MYO9A: variants seen among roughly 807,000 people sequenced by gnomAD.
MYO9A encodes unconventional myosin-IXa.
Under a neutral mutation model 293.3 loss-of-function variants are expected in MYO9A, and 103 were observed. The observed-to-expected ratio is 0.35, with a 90% CI of 0.30 to 0.41. MYO9A has a LOEUF of 0.41. MYO9A is among the 10% of genes least tolerant of loss of function. The pLI is 1.00. For missense variants in MYO9A, 2,685 were observed against 3,033.0 expected (o/e 0.89, Z 2.69); for synonymous variants, 1,001 against 1,035.7 (o/e 0.97, Z 0.64).
At chr15:71,932,072 C>T (rs1201263565) in intron 18 of MYO9A, among the ~76,000 whole-genome samples, 2 of 152,230 alleles carry the variant, frequency 1.3e-5, no homozygotes, top group East Asian at 1.9e-4. Flanking sequence ...TGCCAAGTTC[C>T]GTTAGTACCT....
chr15:72,010,377 A>G lies in MYO9A; in HGVS notation c.1226T>C (p.Val409Ala). 1 of 1,613,548 alleles carries G rather than the reference A, an allele frequency of 6.2e-7. No individual in the cohort carries two copies. The highest frequency in any genetic ancestry group is 2.2e-5 in the East Asian group (1 of 44,848). Residue 409 changes from valine (V) to alanine (A), a missense_variant, in exon 7 of 42, where the codon GTA becomes GCA. Transcript: ENST00000356056. ...TCTTCGTGTCTTGGGAAGAAATCCT[A>G]CCATTTCCATGGCAAGTTGTAGGCG... ...FERLQLAMEMVGFLPKTRRQI... is the reference protein window; with the variant it reads ...FERLQLAMEMAGFLPKTRRQI...
At position 71,995,352 on chromosome 15, in the gene MYO9A, C is replaced by T. The variant is rs139850054; in HGVS notation, c.1471-767G>A. 1.2e-4 allele frequency among the ~76,000 whole-genome samples: 18 copies of T among 152,246 alleles called. No homozygotes were observed. The East Asian group carries it at 2.9e-3, about 25-fold the overall frequency. On this transcript the variant is annotated intron_variant, in intron 9 of 41. Coordinates refer to ENST00000356056, the MANE Select transcript of MYO9A (RefSeq NM_006901.4). ...CCACAATTACATTGGTAGTTGTCTTCGGCTTGTCACCCATAGAAACTTCTA... is the reference window on the plus strand; with the variant it reads ...CCACAATTACATTGGTAGTTGTCTTTGGCTTGTCACCCATAGAAACTTCTA...
intron 24 of MYO9A, among the ~76,000 whole-genome samples, chr15:71,899,316 C>A (rs981519938): frequency 6.6e-6 from 1 of 151,894 alleles, no homozygotes; most frequent in East Asian, 1.9e-4. Flanking sequence ...TAAAGTAAAC[C>A]TCAAATTAAA....
At chr15:71,837,224 A>G (rs1409813358) in intron 39 of MYO9A, among the ~76,000 whole-genome samples, 1 of 152,040 alleles carries the variant, frequency 6.6e-6, no homozygotes, top group East Asian at 1.9e-4. Context: ...GGGTAGTTCT[A>G]AGGGCATTCA....
chr15:71,890,705 G>T, intron 26 of MYO9A: 1 of 152,058 alleles, frequency 6.6e-6, no homozygotes, highest in East Asian at 1.9e-4. Flanking sequence ...CCCACAGCAG[G>T]TAACAACTGA....
chr15:71,897,893 C>A lies in MYO9A; in HGVS notation c.4610G>T (p.Arg1537Ile). The change falls in exon 25 of 42, where the codon AGA becomes ATA. Residue 1537 changes from arginine (R) to isoleucine (I), a missense_variant. Around this residue, in one of 10 missense-constraint regions of MYO9A, gnomAD observed 1,434 missense variants for 1,497.7 expected, o/e 0.96. Coordinates refer to ENST00000356056, the MANE Select transcript of MYO9A (RefSeq NM_006901.4). ...RKAFKTIEKPRIGECLVAPSS... is the reference protein window; with the variant it reads ...RKAFKTIEKPIIGECLVAPSS... The stretch of plus-strand genomic sequence containing the variant: ...TGGTGCCACCAAACACTCTCCAATT[C>A]TTGGCTTTTCAATTGTCTTGAAGGC... 6.2e-7 allele frequency: 1 copy of A among 1,614,112 alleles called. No individual in the cohort carries two copies. Among genetic ancestry groups the A allele is most frequent in the Non-Finnish European group, 8.5e-7 (1 of 1,180,022 alleles).
At chr15:71,960,896 G>C (rs1484817356) in intron 13 of MYO9A, among the ~76,000 whole-genome samples, 1 of 152,118 alleles carries the variant, frequency 6.6e-6, no homozygotes, top group African/African-American at 2.4e-5. Context: ...TGATAAGCTG[G>C]ACAAGTTAGG....
intron 15 of MYO9A, among the ~76,000 whole-genome samples, chr15:71,951,422 A>G (rs752798375): frequency 6.7e-6 from 1 of 148,672 alleles, no homozygotes; most frequent in Non-Finnish European, 1.5e-5. Flanking sequence ...ATTAGACCTC[A>G]ATAAAGTTTT....
At chr15:71,987,367 A>C (rs1349100371) in intron 11 of MYO9A, among the ~76,000 whole-genome samples, 2 of 152,236 alleles carry the variant, frequency 1.3e-5, no homozygotes, top group African/African-American at 2.4e-5. Context: ...AATATACTTC[A>C]AATAGCTTCT....
intron 16 of MYO9A, among the ~76,000 whole-genome samples, chr15:71,937,624 T>C (rs920954190): frequency 6.6e-6 from 1 of 152,180 alleles, no homozygotes; most frequent in African/African-American, 2.4e-5. Flanking sequence ...TTGTGTGATT[T>C]GTTTTACTGA....
Position 71,822,535 on chromosome 15 carries a change from TTCTATTAA to T in MYO9A, c.*4037_*4044del, listed in dbSNP as rs1422795887. 1 of 152,244 alleles carries T rather than the reference TTCTATTAA, an allele frequency of 6.6e-6. No homozygotes were observed. Among genetic ancestry groups the T allele is most frequent in the Non-Finnish European group, 1.5e-5 (1 of 68,048 alleles). The allele number at this position is 152,244 out of a possible 1,614,324, so 9.4% of individuals were successfully genotyped here. On this transcript the variant is annotated 3_prime_UTR_variant, in exon 42 of 42. Transcript: ENST00000356056. ...ATAAATCATTCTTCTTATAGAATTATTCTATTAAACAGTAAAATGTTATATTTCACAGG... is the reference window on the plus strand; with the variant it reads ...ATAAATCATTCTTCTTATAGAATTATACAGTAAAATGTTATATTTCACAGG...
chr15:71,946,524 T>A (rs1297014379), intron 15 of MYO9A, among the ~76,000 whole-genome samples: 1 of 152,220 alleles, frequency 6.6e-6, no homozygotes, highest in Admixed American at 6.5e-5. Flanking sequence ...TATAATTGTG[T>A]CCACTCTTTC....
intron 9 of MYO9A, among the ~76,000 whole-genome samples, chr15:71,994,982 T>C (rs908507058): frequency 1.6e-4 from 24 of 152,242 alleles, no homozygotes; most frequent in African/African-American, 5.3e-4. Context: ...TTCACCCGTC[T>C]TGGCCTCCCA....
chr15:72,006,026 T>C (rs2077006505), intron 8 of MYO9A, among the ~76,000 whole-genome samples: 1 of 152,210 alleles, frequency 6.6e-6, no homozygotes, highest in Admixed American at 6.5e-5. Flanking sequence ...AATGGAATAT[T>C]ACCCCGTAAT....
chr15:71,881,761 G>A (rs2056880483), intron 28 of MYO9A, among the ~76,000 whole-genome samples: 1 of 152,052 alleles, frequency 6.6e-6, no homozygotes, highest in African/African-American at 2.4e-5. Context: ...ACACAACAAA[G>A]TCTGCTTATA....
Position 72,117,851 on chromosome 15 carries a change from G to A in MYO9A, c.-243C>T, listed in dbSNP as rs369920875. Reference sequence around the variant, plus strand: ...CCTCAGGGTCCGGGCGAGCGGCCGCGGCGCATCCCCCGCCCTGTCAGAGAG... The same window carrying A: ...CCTCAGGGTCCGGGCGAGCGGCCGCAGCGCATCCCCCGCCCTGTCAGAGAG... On this transcript the variant is annotated 5_prime_UTR_variant, in exon 1 of 42. Coordinates refer to ENST00000356056, the MANE Select transcript of MYO9A (RefSeq NM_006901.4). 67 of 398,606 alleles carry A rather than the reference G, an allele frequency of 1.7e-4. No homozygotes were observed. The highest frequency in any genetic ancestry group is 1.4e-3 in the East Asian group (40 of 28,062). The allele number at this position is 398,606 out of a possible 1,614,324, so 24.7% of individuals were successfully genotyped here.
At chr15:71,834,264 T>A (rs1404615750) in intron 39 of MYO9A, among the ~76,000 whole-genome samples, 1 of 152,038 alleles carries the variant, frequency 6.6e-6, no homozygotes, top group Non-Finnish European at 1.5e-5. Flanking sequence ...ATCTAATTAA[T>A]ACCATCAATG....
intron 39 of MYO9A, among the ~76,000 whole-genome samples, chr15:71,842,242 T>TAG (rs1302013085): frequency 7.2e-5 from 11 of 151,858 alleles, no homozygotes; most frequent in African/African-American, 2.7e-4. Flanking sequence ...CCAGGCGTGG[T>TAG]AGTGCACACC....
chr15:72,051,381 A>G (rs2078558452), intron 1 of MYO9A, among the ~76,000 whole-genome samples: 1 of 152,048 alleles, frequency 6.6e-6, no homozygotes, highest in Non-Finnish European at 1.5e-5. Flanking sequence ...CGTGCTCCCT[A>G]GGTGCAGCTG....
Sources: allele counts gnomAD v4.1 joint callset (sites outside exome capture counted in the v4.1 genomes callset), GRCh38; gene constraint gnomAD v4.1.1; regional missense constraint gnomAD v4.1.1; transcripts MANE v1.5; gene names NCBI Gene and HGNC (gene_info 2026-07-23, HGNC 2026-07-21).